EVC2: variants seen among roughly 807,000 people sequenced by gnomAD.
The protein encoded by EVC2 is EvC ciliary complex subunit 2.
In EVC2, 148 loss-of-function variants were observed where a neutral mutation model predicts 149.3. That is an observed-to-expected ratio of 0.99 (90% CI 0.87 to 1.14). The LOEUF (loss-of-function observed/expected upper bound fraction) is 1.14. Among genes scored for constraint, EVC2 ranks in the 50% most tolerant of loss-of-function variants. The pLI, the probability that EVC2 is intolerant of heterozygous loss-of-function variation, is 0.00. For missense variants in EVC2, 1,854 were observed against 1,627.3 expected, an observed-to-expected ratio of 1.14 and a Z score of -2.40; for synonymous variants, 776 against 649.9, an observed-to-expected ratio of 1.19 and a Z score of -2.95.
the EVC2 span, among the ~76,000 whole-genome samples, chr4:5,529,116 C>T: frequency 6.6e-6 from 1 of 152,172 alleles, no homozygotes; most frequent in Admixed American, 6.5e-5. The surrounding 1 kb of genome is among the most constrained non-coding windows in gnomAD (Gnocchi z 4.5). Context: ...GTAGCCTCTG[C>T]CTCCTTGCTG....
At chr4:5,608,739 T>A (rs1330949142) in intron 16 of EVC2, among the ~76,000 whole-genome samples, 1 of 152,126 alleles carries the variant, frequency 6.6e-6, no homozygotes, top group African/African-American at 2.4e-5. Flanking sequence ...TTTTAACATG[T>A]TGGCCAGCTG....
chr4:5,682,111 G>A (rs1285778435), intron 6 of EVC2, among the ~76,000 whole-genome samples: 2 of 152,210 alleles, frequency 1.3e-5, no homozygotes, highest in Non-Finnish European at 2.9e-5. Flanking sequence ...CCTGAAGAGT[G>A]CCTGGCACTA....
intron 9 of EVC2, among the ~76,000 whole-genome samples, chr4:5,658,631 T>A (rs937784359): frequency 3.3e-5 from 5 of 152,234 alleles, no homozygotes; most frequent in Non-Finnish European, 5.9e-5. Flanking sequence ...TTACGTTCTT[T>A]GACTCTGAAA....
downstream of EVC2, chr4:5,562,309 C>T (rs1452544427): frequency 8.8e-6 from 3 of 340,032 alleles, no homozygotes; most frequent in Non-Finnish European, 1.3e-5. This position sits in a 1 kb window ranked among gnomAD's most constrained non-coding sequence, Gnocchi z 4.3. Flanking sequence ...GGGGCTGACA[C>T]ATGTTTTGGC....
At chr4:5,594,396 AGCAGCATTCG>A (rs1713173412) in intron 16 of EVC2, among the ~76,000 whole-genome samples, 1 of 152,200 alleles carries the variant, frequency 6.6e-6, no homozygotes, top group Non-Finnish European at 1.5e-5. Flanking sequence ...ACGATCAGAC[AGCAGCATTCG>A]CGGTTCATGA....
At chr4:5,632,815 G>A (rs1295084061) in intron 10 of EVC2, among the ~76,000 whole-genome samples, 1 of 152,128 alleles carries the variant, frequency 6.6e-6, no homozygotes, top group African/African-American at 2.4e-5. Flanking sequence ...AAGGAGCTGA[G>A]ATATTATCTC....
At chr4:5,687,661 T>C (rs77199787) in intron 5 of EVC2, among the ~76,000 whole-genome samples, 2,599 of 152,108 alleles carry the variant, frequency 0.017, 79 homozygotes, top group African/African-American at 0.059. Flanking sequence ...ATTTGTATAT[T>C]CAGAGTTGGG....
rs757612212 is a variant in EVC2 at position 5,697,570 on chromosome 4, C to A, written c.283+23G>T. On this transcript the variant is annotated intron_variant, in intron 2 of 21. Transcript: ENST00000344408. ...GTTTTTCATGCTCAAAACAGGGGAA[C>A]ATCAACCAGAAGAAAAACTCACCTG... 10 of 1,613,656 alleles carry A rather than the reference C, an allele frequency of 6.2e-6. No individual in the cohort carries two copies. In the African/African-American group the frequency reaches 8.0e-5, roughly 13 times the overall value.
chr4:5,644,322 T>G (rs917669289), intron 9 of EVC2, among the ~76,000 whole-genome samples: 1 of 152,206 alleles, frequency 6.6e-6, no homozygotes, highest in Non-Finnish European at 1.5e-5. Flanking sequence ...TATTTATTCT[T>G]TTAGACGGAG....
chr4:5,640,328 G>A lies in EVC2; in HGVS notation c.1470+186C>T, dbSNP rs1162135257. Among the ~76,000 whole-genome samples, 2 of 152,024 alleles carry A rather than the reference G, an allele frequency of 1.3e-5. No individual in the cohort carries two copies. The highest frequency in any genetic ancestry group is 4.8e-5 in the African/African-American group (2 of 41,380). On this transcript the variant is annotated intron_variant, in intron 10 of 21. Coordinates refer to ENST00000344408, the MANE Select transcript of EVC2 (RefSeq NM_147127.5). The surrounding 1 kb of genome is among the most constrained non-coding windows in gnomAD (Gnocchi z 4.6). ...GTAGATGGGTGGATGGACAGATGAT[G>A]ATGGATGGACGGTGGGAATGGTTGG...
intron 16 of EVC2, among the ~76,000 whole-genome samples, chr4:5,612,548 G>C (rs1021340049): frequency 6.6e-6 from 1 of 152,166 alleles, no homozygotes; most frequent in Non-Finnish European, 1.5e-5. Context: ...GGAACAAACA[G>C]GAAAGAGTAG....
chr4:5,562,796 G>A lies in EVC2; in HGVS notation c.*52C>T, dbSNP rs750003125. 7.5e-6 allele frequency: 12 copies of A among 1,610,186 alleles called. No homozygotes were observed. In the South Asian group the frequency reaches 9.9e-5, roughly 13 times the overall value. ...TAAACACACAAACACCGGCGGGCAG[G>A]AGAAAATCATCCCTTCTCTCTTCAG... is the stretch of plus-strand genomic sequence containing the variant. On this transcript the variant is annotated 3_prime_UTR_variant, in exon 22 of 22. Transcript: ENST00000344408. The surrounding 1 kb of genome is among the most constrained non-coding windows in gnomAD (Gnocchi z 4.3).
intron 4 of EVC2, among the ~76,000 whole-genome samples, chr4:5,690,814 G>A (rs1490134920): frequency 6.6e-6 from 1 of 152,116 alleles, no homozygotes; most frequent in Non-Finnish European, 1.5e-5. Context: ...TGAGCAGAAT[G>A]GCTTTTCTGA....
intron 21 of EVC2, among the ~76,000 whole-genome samples, chr4:5,564,379 T>A (rs1171228687): frequency 6.6e-6 from 1 of 152,252 alleles, no homozygotes; most frequent in African/African-American, 2.4e-5. Flanking sequence ...ATTTTCTTTT[T>A]CTAGGATTGC....
Position 5,703,312 on chromosome 4 carries a change from C to T in EVC2, c.228+4974G>A, listed in dbSNP as rs570106436. ...ACCATCATCATCATCTCTGATAATG[C>T]CAAGAAGTAACTATAAAATCGCCAC... On this transcript the variant is annotated intron_variant, in intron 1 of 21. Transcript: ENST00000344408. 1.0e-3 allele frequency among the ~76,000 whole-genome samples: 152 copies of T among 152,262 alleles called. 2 individuals carry two copies. The South Asian group carries it at 0.03, about 30-fold the overall frequency.
At chr4:5,641,621 C>T (rs1008137112) in intron 9 of EVC2, among the ~76,000 whole-genome samples, 9 of 152,004 alleles carry the variant, frequency 5.9e-5, no homozygotes, top group Non-Finnish European at 1.2e-4. Flanking sequence ...ATATGTTAAT[C>T]ATACCTCTAT....
In EVC2 at chr4:5,550,851, T is replaced by C. The variant is rs186200618; in HGVS notation, c.3420-7639A>G. On this transcript the variant is annotated intron_variant and NMD_transcript_variant, in intron 21 of 22. Transcript: ENST00000475313. Reference sequence around the variant, plus strand: ...GGGACTTGGTGCCCTGCATCCCAGCTGCTCCAGCCATGGCTGAAAGGGGCC... The same window carrying C: ...GGGACTTGGTGCCCTGCATCCCAGCCGCTCCAGCCATGGCTGAAAGGGGCC... 9.5e-3 allele frequency among the ~76,000 whole-genome samples: 1,454 copies of C among 152,350 alleles called. 13 individuals carry two copies. Among genetic ancestry groups the C allele is most frequent in the South Asian group, 0.042 (204 of 4,818 alleles).
intron 16 of EVC2, among the ~76,000 whole-genome samples, chr4:5,599,501 C>T (rs1426506293): frequency 6.6e-6 from 1 of 152,026 alleles, no homozygotes; most frequent in Non-Finnish European, 1.5e-5. Context: ...TATTCTCACT[C>T]ACAGGTGGGA....
chr4:5,570,233 G>C (rs1475982079), intron 19 of EVC2, among the ~76,000 whole-genome samples: 1 of 152,208 alleles, frequency 6.6e-6, no homozygotes, highest in African/African-American at 2.4e-5. Context: ...GTGACCAACA[G>C]ACATTTGTTG....
Sources: gnomAD v4.1 joint callset for allele counts (sites outside exome capture counted in the v4.1 genomes callset) on GRCh38, gnomAD v4.1.1 for gene constraint, Gnocchi (gnomAD v3.1) non-coding constraint, MANE v1.5 for transcripts, NCBI Gene and HGNC (gene_info 2026-07-23, HGNC 2026-07-21) for gene names.